Variants in CPD observed in about 807,000 individuals in gnomAD.
The protein encoded by CPD is metallocarboxypeptidase D.
Under a neutral mutation model 138.3 loss-of-function variants are expected in CPD, and 69 were observed. The ratio of observed to expected loss-of-function variants is 0.50; its 90% CI spans 0.41 to 0.61. CPD has a LOEUF of 0.61. Ranked by LOEUF, CPD falls within the 20% of genes least tolerant of loss-of-function variation. The pLI is 0.00. For missense variants in CPD, 1,432 were observed against 1,733.3 expected, an observed-to-expected ratio of 0.83 and a Z score of 3.09; for synonymous variants, 651 against 642.1, an observed-to-expected ratio of 1.01 and a Z score of -0.21.
intron 2 of CPD, among the ~76,000 whole-genome samples, chr17:30,393,726 T>G (rs1196797429): frequency 6.6e-6 from 1 of 152,198 alleles, no homozygotes; most frequent in Non-Finnish European, 1.5e-5. Context: ...GTTTACTAAT[T>G]TGAGGTGTGG....
At chr17:30,444,459 T>C (rs912205088) in intron 11 of CPD, among the ~76,000 whole-genome samples, 2 of 151,680 alleles carry the variant, frequency 1.3e-5, no homozygotes, top group Non-Finnish European at 2.9e-5. Context: ...CTCGTTCTTT[T>C]AATTTGCTAA....
At chr17:30,390,611 C>A (rs758168092) in intron 2 of CPD, among the ~76,000 whole-genome samples, 1 of 152,178 alleles carries the variant, frequency 6.6e-6, no homozygotes, top group Non-Finnish European at 1.5e-5. Context: ...AGTGTGGAAT[C>A]TGGGGTGATT....
intron 2 of CPD, among the ~76,000 whole-genome samples, chr17:30,408,169 T>G (rs1258610160): frequency 6.6e-6 from 1 of 150,812 alleles, no homozygotes; most frequent in Admixed American, 6.6e-5. Context: ...CTGTTCTGTA[T>G]CTGTTTTGGT....
chr17:30,451,739 T>C lies in CPD; in HGVS notation c.3098T>C (p.Val1033Ala). 6.2e-7 allele frequency: 1 copy of C among 1,614,066 alleles called. No individual in the cohort carries two copies. Among genetic ancestry groups the C allele is most frequent in the Non-Finnish European group, 8.5e-7 (1 of 1,179,950 alleles). The change falls in exon 14 of 21, where the codon GTC (valine) becomes GCC (alanine). Residue 1033 changes from valine (V) to alanine (A), a missense_variant. By Grantham distance (64) the Val-to-Ala change is moderately conservative. This residue lies in a region of CPD where 366 missense variants were observed against 518.8 expected (regional missense o/e 0.71). Transcript: ENST00000225719. The part of the protein sequence containing the change: ...QLVDRTRIVI[V>A]PSLNPDGRER... Reference sequence around the variant, plus strand: ...GTTGACAGGACTAGGATTGTGATTGTCCCTTCTCTAAATCCAGATGGGCGA... The same window carrying C: ...GTTGACAGGACTAGGATTGTGATTGCCCCTTCTCTAAATCCAGATGGGCGA...
At chr17:30,444,300 G>T (rs1002199751) in intron 11 of CPD, among the ~76,000 whole-genome samples, 1 of 152,106 alleles carries the variant, frequency 6.6e-6, no homozygotes, top group Non-Finnish European at 1.5e-5. Context: ...TTTAAAAGGA[G>T]AGTTAGGCTG....
intron 2 of CPD, among the ~76,000 whole-genome samples, chr17:30,401,306 C>T (rs1305468929): frequency 1.3e-5 from 2 of 151,138 alleles, no homozygotes; most frequent in African/African-American, 2.4e-5. Flanking sequence ...CCTCTTACTC[C>T]TCTTCCTCTT....
In CPD at chr17:30,445,804, G is replaced by T. The variant is rs769311641; in HGVS notation, c.2657G>T (p.Gly886Val). The T allele has an allele frequency of 2.5e-6, 4 of 1,613,994 alleles. No homozygotes were observed. Among genetic ancestry groups the T allele is most frequent in the South Asian group, 1.1e-5 (1 of 91,066 alleles). ...DSNNESKKGK[G>V]ASSSTNDASD... The stretch of plus-strand genomic sequence containing the variant: ...AACAATGAATCAAAGAAAGGAAAAG[G>T]GGCTAGCAGCAGCACCAATGATGCC... Residue 886 changes from glycine to valine, a missense_variant, in exon 12 of 21, where the codon GGG (glycine) becomes GTG (valine). Coordinates refer to ENST00000225719, the MANE Select transcript of CPD (RefSeq NM_001304.5).
chr17:30,387,572 C>T (rs1161463818), intron 2 of CPD, among the ~76,000 whole-genome samples: 1 of 152,166 alleles, frequency 6.6e-6, no homozygotes, highest in Non-Finnish European at 1.5e-5. Context: ...AGGAATAAGT[C>T]AACCAATGGA....
At chr17:30,464,220 A>C (rs947444064) in intron 20 of CPD, among the ~76,000 whole-genome samples, 1 of 152,040 alleles carries the variant, frequency 6.6e-6, no homozygotes, top group African/African-American at 2.4e-5. Flanking sequence ...GCAAAACCCT[A>C]TCTCTAGCAA....
intron 11 of CPD, chr17:30,444,283 T>C (rs1912964693): frequency 5.2e-6 from 1 of 192,776 alleles, no homozygotes; most frequent in South Asian, 1.7e-4. Flanking sequence ...TGGCCTTAGG[T>C]TTTTTATTTA....
At chr17:30,414,648 A>C (rs1224363569) in intron 2 of CPD, among the ~76,000 whole-genome samples, 1 of 152,072 alleles carries the variant, frequency 6.6e-6, no homozygotes, top group Non-Finnish European at 1.5e-5. Flanking sequence ...GTACAGGGCC[A>C]CAGCAATGGA....
At chr17:30,457,654 C>G (rs987230797) in intron 17 of CPD, among the ~76,000 whole-genome samples, 1 of 151,722 alleles carries the variant, frequency 6.6e-6, no homozygotes, top group Non-Finnish European at 1.5e-5. Context: ...CTCACCAACA[C>G]TTATTTGCTG....
At chr17:30,415,824 C>G (rs1456641987) in intron 2 of CPD, among the ~76,000 whole-genome samples, 2 of 152,228 alleles carry the variant, frequency 1.3e-5, no homozygotes, top group Admixed American at 1.3e-4. Context: ...GAAGGGAATC[C>G]TATCATATGC....
chr17:30,415,156 C>T (rs539957777), intron 2 of CPD, among the ~76,000 whole-genome samples: 6 of 152,270 alleles, frequency 3.9e-5, no homozygotes, highest in African/African-American at 1.2e-4. Flanking sequence ...ATCTAGAAGT[C>T]GTCCTTGATT....
intron 2 of CPD, among the ~76,000 whole-genome samples, chr17:30,391,705 A>G (rs1472936010): frequency 1.3e-5 from 2 of 152,004 alleles, no homozygotes; most frequent in Non-Finnish European, 2.9e-5. Context: ...AAATTAATGA[A>G]TTTCTCTAAG....
intron 2 of CPD, among the ~76,000 whole-genome samples, chr17:30,405,559 T>C (rs903344240): frequency 2.0e-5 from 3 of 152,130 alleles, no homozygotes; most frequent in East Asian, 1.9e-4. Context: ...ACTAATTTTT[T>C]CCCCCATTGG....
At chr17:30,399,718 G>A (rs909168865) in intron 2 of CPD, among the ~76,000 whole-genome samples, 2 of 151,998 alleles carry the variant, frequency 1.3e-5, no homozygotes, top group South Asian at 2.1e-4. Context: ...GACCTGGTGC[G>A]GTGGCTCATG....
intron 2 of CPD, among the ~76,000 whole-genome samples, chr17:30,405,958 A>G (rs1423411082): frequency 6.6e-6 from 1 of 152,076 alleles, no homozygotes; most frequent in African/African-American, 2.4e-5. Flanking sequence ...ATCCCTCAGT[A>G]GCATTTTATA....
chr17:30,386,881 A>G (rs902770640), intron 2 of CPD, among the ~76,000 whole-genome samples: 1 of 152,130 alleles, frequency 6.6e-6, no homozygotes, highest in African/African-American at 2.4e-5. Context: ...GGTTGTTTCC[A>G]CCTTGGCTAC....
Sources: gnomAD v4.1 joint callset for allele counts (sites outside exome capture counted in the v4.1 genomes callset) on GRCh38, gnomAD v4.1.1 for gene constraint, gnomAD v4.1.1 regional missense constraint, MANE v1.5 for transcripts, NCBI Gene and HGNC (gene_info 2026-07-23, HGNC 2026-07-21) for gene names.